Variants in DNAH14 observed in about 807,000 individuals in gnomAD.
DNAH14 encodes dynein axonemal heavy chain 14.
In DNAH14, 478 loss-of-function variants were observed where a neutral mutation model predicts 520.9. The observed-to-expected ratio is 0.92, with a 90% CI of 0.85 to 0.99. The LOEUF (loss-of-function observed/expected upper bound fraction) is 0.99, where lower values mean the gene tolerates loss of function less well. DNAH14 is among the 50% of genes least tolerant of loss of function. The pLI is 0.00. For synonymous variants in DNAH14, 1,581 were observed against 1,757.2 expected (o/e 0.90, Z 2.51); for missense variants, 4,831 against 5,234.5 (o/e 0.92, Z 2.38).
At chr1:225,062,144 C>CA (rs60502361) in intron 17 of DNAH14, among the ~76,000 whole-genome samples, 111,985 of 151,574 alleles carry the variant, frequency 0.74, 44,248 homozygotes, top group Non-Finnish European at 0.88. Flanking sequence ...ACAAAAAATG[C>CA]AAAAAAATTA....
At chr1:225,215,669 T>G (rs2089203575) in intron 41 of DNAH14, among the ~76,000 whole-genome samples, 1 of 152,216 alleles carries the variant, frequency 6.6e-6, no homozygotes, top group South Asian at 2.1e-4. Context: ...TTGTCTCTTT[T>G]GATCTTTGTT....
intron 1 of DNAH14, among the ~76,000 whole-genome samples, chr1:224,931,071 G>A (rs1431573605): frequency 6.6e-6 from 1 of 152,204 alleles, no homozygotes; most frequent in East Asian, 1.9e-4. Flanking sequence ...GGGACAAGAT[G>A]TGGAGTTGAA....
At chr1:225,228,966 A>G (rs10158933) in intron 41 of DNAH14, among the ~76,000 whole-genome samples, 17,546 of 152,148 alleles carry the variant, frequency 0.12, 1,567 homozygotes, top group East Asian at 0.24. Flanking sequence ...TTATCTAAAT[A>G]GCTTGTTTAC....
intron 2 of DNAH14, 36 bp from the exon 3 acceptor site, chr1:224,954,923 A>T (rs764901025): frequency 8.9e-5 from 135 of 1,515,350 alleles, no homozygotes; most frequent in Non-Finnish European, 1.2e-4. Flanking sequence ...GTGATTTTCC[A>T]TTTATTTTCT....
intron 17 of DNAH14, among the ~76,000 whole-genome samples, chr1:225,057,129 C>G (rs565700351): frequency 9.2e-5 from 14 of 152,220 alleles, no homozygotes; most frequent in African/African-American, 2.4e-4. Flanking sequence ...GGGCAGTATG[C>G]CCATTTGCAC....
At chr1:224,977,113 A>T (rs2061907970) in intron 8 of DNAH14, among the ~76,000 whole-genome samples, 2 of 151,950 alleles carry the variant, frequency 1.3e-5, no homozygotes, top group African/African-American at 4.8e-5. Flanking sequence ...GATAGACTGG[A>T]TTAAGAAAAT....
rs1350101059 is a variant in DNAH14, at chr1:225,187,704, G to A, written c.5670+2279G>A. Among the ~76,000 whole-genome samples, 4 of 151,824 alleles carry A rather than the reference G, an allele frequency of 2.6e-5. No homozygotes were observed. The South Asian group carries it at 6.2e-4, about 24-fold the overall frequency. On this transcript the variant is annotated intron_variant, in intron 37 of 85. Transcript: ENST00000682510. ...AATACTATCTCATTGTAGTTTTGGT[G>A]TTGAATACCTTTTCATATGCTTATT... is the stretch of plus-strand genomic sequence containing the variant.
In DNAH14 at chr1:225,149,788, A is replaced by G. The variant is rs114806783; in HGVS notation, c.4941-2217A>G. Among the ~76,000 whole-genome samples, 510 of 152,100 alleles carry G rather than the reference A, an allele frequency of 3.4e-3. 2 individuals carry two copies. Among genetic ancestry groups the G allele is most frequent in the African/African-American group, 0.011 (468 of 41,542 alleles). On this transcript the variant is annotated intron_variant, in intron 31 of 85. Coordinates refer to ENST00000682510, the MANE Select transcript of DNAH14 (RefSeq NM_001367479.1). ...TTTTGTATCCTGAGACTTCACTGAA[A>G]GAAGCTTTTGGGCCATGATGATGGG...
chr1:225,167,862 A>G, intron 35 of DNAH14, 77 bp from the exon 36 acceptor site: 1 of 812,544 alleles, frequency 1.2e-6, no homozygotes, highest in South Asian at 2.0e-5. Flanking sequence ...TACCTAGTTA[A>G]GAGAGATTTT....
At chr1:225,075,662 A>G (rs3105555) in intron 17 of DNAH14, among the ~76,000 whole-genome samples, 141,609 of 152,122 alleles carry the variant, frequency 0.93, 66,129 homozygotes, top group Non-Finnish European at 0.96. Flanking sequence ...GAGTTCAGAG[A>G]CAACATAGTG....
At chr1:225,062,551 A>AAAAAAAAGCCGAAG (rs1019566221) in intron 17 of DNAH14, among the ~76,000 whole-genome samples, 2 of 15,968 alleles carry the variant, frequency 1.3e-4, no homozygotes, top group African/African-American at 1.5e-4. Flanking sequence ...AGCTATGAAG[A>AAAAAAAAGCCGAAG]AAAAAAAAGC....
intron 23 of DNAH14, among the ~76,000 whole-genome samples, chr1:225,115,163 GTCTC>G (rs1177919845): frequency 1.3e-5 from 2 of 152,152 alleles, no homozygotes; most frequent in African/African-American, 2.4e-5. Flanking sequence ...TAACAATGGA[GTCTC>G]TCTCTGTGTG....
intron 72 of DNAH14, among the ~76,000 whole-genome samples, chr1:225,352,633 A>G (rs1212586535): frequency 6.6e-6 from 1 of 151,952 alleles, no homozygotes; most frequent in African/African-American, 2.4e-5. Context: ...TTTTTTTTAA[A>G]TTTTGCCCAT....
intron 41 of DNAH14, among the ~76,000 whole-genome samples, chr1:225,225,951 A>G (rs1001561692): frequency 6.6e-6 from 1 of 152,148 alleles, no homozygotes; most frequent in Non-Finnish European, 1.5e-5. Flanking sequence ...CAATCCCCAG[A>G]CATTACCTGT....
chr1:225,227,010 A>G (rs1470276177), intron 41 of DNAH14, among the ~76,000 whole-genome samples: 1 of 152,194 alleles, frequency 6.6e-6, no homozygotes, highest in African/African-American at 2.4e-5. Context: ...ACCTCCAGTC[A>G]TAAGGTGGTT....
chr1:224,937,471 A>C (rs2059115876), intron 1 of DNAH14, among the ~76,000 whole-genome samples: 1 of 152,052 alleles, frequency 6.6e-6, no homozygotes, highest in South Asian at 2.1e-4. Context: ...ACATAAATAT[A>C]AAATACCTAG....
chr1:225,238,900 A>G (rs1224319309), intron 42 of DNAH14, among the ~76,000 whole-genome samples: 3 of 151,884 alleles, frequency 2.0e-5, no homozygotes, highest in South Asian at 2.1e-4. Flanking sequence ...TCTGGCCACA[A>G]TCTGGCAAAG....
chr1:225,314,034 G>C (rs1558352363), intron 60 of DNAH14, among the ~76,000 whole-genome samples: 1 of 152,106 alleles, frequency 6.6e-6, no homozygotes, highest in South Asian at 2.1e-4. Context: ...TATTGACAGT[G>C]GTATGTTAAA....
In DNAH14 at chr1:225,252,301, G is replaced by A. The variant is rs779971517; in HGVS notation, c.6749G>A (p.Gly2250Asp). 9.2e-6 allele frequency: 14 copies of A among 1,520,092 alleles called. No individual in the cohort carries two copies. Among genetic ancestry groups the A allele is most frequent in the Non-Finnish European group, 1.3e-5 (14 of 1,118,958 alleles). 94.2% of individuals were successfully genotyped at this position (1,520,092 alleles called of 1,614,324 possible). ...TTGAATTTATTATTTTCGGTTGTAG[G>A]CATCAACCTACCAACTGGTGAATGT... is the stretch of plus-strand genomic sequence containing the variant. Reference protein sequence around the residue: ...HELFGNSSQVGINLPTGECSI... With the variant: ...HELFGNSSQVDINLPTGECSI... Residue 2250 changes from glycine (G) to aspartate (D), a missense_variant and splice_region_variant, in exon 44 of 86, where the codon GGC becomes GAC. Coordinates refer to ENST00000682510, the MANE Select transcript of DNAH14 (RefSeq NM_001367479.1).
Sources: allele counts gnomAD v4.1 joint callset (sites outside exome capture counted in the v4.1 genomes callset), GRCh38; gene constraint gnomAD v4.1.1; transcripts MANE v1.5; gene names NCBI Gene and HGNC (gene_info 2026-07-23, HGNC 2026-07-21).